XPO4: variants seen among roughly 807,000 people sequenced by gnomAD.
The protein encoded by XPO4 is exportin 4, also known as exportin-4.
In XPO4, 39 loss-of-function variants were observed where a neutral mutation model predicts 143.0. That is an observed-to-expected ratio of 0.27 (90% CI 0.21 to 0.36). XPO4 has a LOEUF of 0.36. Ranked by LOEUF, XPO4 falls within the 10% of genes least tolerant of loss-of-function variation. XPO4 has a pLI of 1.00. For missense variants in XPO4, 907 were observed against 1,348.0 expected, an observed-to-expected ratio of 0.67 and a Z score of 5.12; for synonymous variants, 439 against 474.0, an observed-to-expected ratio of 0.93 and a Z score of 0.96.
chr13:20,789,198 A>G (rs2059244181), intron 19 of XPO4, among the ~76,000 whole-genome samples: 1 of 152,202 alleles, frequency 6.6e-6, no homozygotes, highest in African/African-American at 2.4e-5. Context: ...ATGCAAATCA[A>G]TATGGAGAGT....
intron 4 of XPO4, among the ~76,000 whole-genome samples, chr13:20,846,691 G>A (rs185515722): frequency 1.2e-3 from 182 of 152,126 alleles, no homozygotes; most frequent in African/African-American, 3.9e-3. Context: ...AAAGCACAAC[G>A]AAAATAAAAT....
At chr13:20,849,270 T>C (rs2138080519) in intron 4 of XPO4, 1 of 985,394 alleles carries the variant, frequency 1.0e-6, no homozygotes, top group Non-Finnish European at 1.2e-6. Context: ...AGACTTATGA[T>C]AAGAGAGATT....
intron 1 of XPO4, chr13:20,902,356 C>G (rs1472954697): frequency 2.0e-6 from 2 of 985,328 alleles, no homozygotes; most frequent in East Asian, 2.3e-4. Context: ...TCCTTCCCGG[C>G]GCCTTGCTCT....
In XPO4 at chr13:20,843,573, TAAAC is replaced by T. The variant is rs371379271; in HGVS notation, c.573+193_573+196del. On this transcript the variant is annotated intron_variant, in intron 5 of 22. Transcript: ENST00000255305. ...GAAGTATTGTTTTTAAGACTAGAAT[TAAAC>T]AAGTAATTTTAAACCATCAACTACA... Among the ~76,000 whole-genome samples the T allele has an allele frequency of 1.6e-3, 239 of 152,336 alleles. 1 individual carries two copies. The highest frequency in any genetic ancestry group is 5.6e-3 in the African/African-American group (231 of 41,576).
intron 4 of XPO4, among the ~76,000 whole-genome samples, chr13:20,846,167 G>A (rs371666084): frequency 2.0e-5 from 3 of 152,180 alleles, no homozygotes; most frequent in East Asian, 3.8e-4. Context: ...TCCACAGATT[G>A]TGTCTTACTG....
At chr13:20,895,127 G>A (rs1226504518) in intron 1 of XPO4, among the ~76,000 whole-genome samples, 3 of 151,986 alleles carry the variant, frequency 2.0e-5, no homozygotes, top group Non-Finnish European at 4.4e-5. Flanking sequence ...GCAGGGAGCC[G>A]AGATTGCGCC....
intron 1 of XPO4, among the ~76,000 whole-genome samples, chr13:20,892,929 A>T (rs1198712187): frequency 6.6e-6 from 1 of 152,084 alleles, no homozygotes; most frequent in Non-Finnish European, 1.5e-5. Flanking sequence ...TTATAAAAGG[A>T]CAGGTGAATC....
At chr13:20,808,328 T>G in intron 12 of XPO4, 108 bp downstream of exon 12, 1 of 1,216,070 alleles carries the variant, frequency 8.2e-7, no homozygotes, top group East Asian at 2.6e-5. Flanking sequence ...TGTATCCAAA[T>G]TTTATCCAAT....
At chr13:20,902,390 T>A (rs2060629705) in intron 1 of XPO4, 1 of 985,260 alleles carries the variant, frequency 1.0e-6, no homozygotes, top group Non-Finnish European at 1.2e-6. Flanking sequence ...TGGGGCAGGG[T>A]GTAAGGTGAA....
Position 20,822,121 on chromosome 13 carries a change from AGTATACC to A in XPO4, c.998+4_998+10del. On this transcript the variant is annotated splice_donor_5th_base_variant and intron_variant, in intron 8 of 22. Coordinates refer to ENST00000255305, the MANE Select transcript of XPO4 (RefSeq NM_022459.5). Reference sequence around the variant, plus strand: ...GCTCCTTTTTCAGCTGCAAAGGGCAAGTATACCTACCCATTGATAGTATTCAGTAATC... The same window carrying A: ...GCTCCTTTTTCAGCTGCAAAGGGCAATACCCATTGATAGTATTCAGTAATC... 6.2e-7 allele frequency: 1 copy of A among 1,600,084 alleles called. No homozygotes were observed. Among genetic ancestry groups the A allele is most frequent in the Admixed American group, 1.7e-5 (1 of 57,484 alleles).
rs1364991403 is a variant in XPO4 at position 20,855,780 on chromosome 13, A to C, written c.318-15T>G. ...ACTTTTGAAGGCTGTAAAACATAAA[A>C]ATCATTGTGAAAAATTTACCTAAAT... On this transcript the variant is annotated splice_polypyrimidine_tract_variant and intron_variant, in intron 3 of 22. Coordinates refer to ENST00000255305, the MANE Select transcript of XPO4 (RefSeq NM_022459.5). 1 of 1,561,132 alleles carries C rather than the reference A, an allele frequency of 6.4e-7. No individual in the cohort carries two copies. Among genetic ancestry groups the C allele is most frequent in the Non-Finnish European group, 8.6e-7 (1 of 1,160,094 alleles).
intron 21 of XPO4, 67 bp downstream of exon 21, chr13:20,787,414 G>A: frequency 3.5e-6 from 5 of 1,424,034 alleles, no homozygotes; most frequent in Non-Finnish European, 4.0e-6. Context: ...TTTGAATGCA[G>A]AATTATGTGC....
At chr13:20,894,401 G>A (rs187307072) in intron 1 of XPO4, among the ~76,000 whole-genome samples, 218 of 152,200 alleles carry the variant, frequency 1.4e-3, no homozygotes, top group African/African-American at 5.1e-3. Context: ...ACAAATCTGT[G>A]GAAATGGAAT....
chr13:20,818,475 A>T (rs74036449), intron 9 of XPO4, among the ~76,000 whole-genome samples: 3,134 of 152,328 alleles, frequency 0.021, 84 homozygotes, highest in Middle Eastern at 0.075. Flanking sequence ...AATTGCTATT[A>T]AAAAAGATGA....
chr13:20,809,715 T>C (rs1251108325), intron 10 of XPO4, 76 bp downstream of exon 10: 1 of 1,437,588 alleles, frequency 7.0e-7, no homozygotes, highest in African/African-American at 1.4e-5. Flanking sequence ...ATTTCTGGCA[T>C]TATATAATGT....
chr13:20,889,058 C>A (rs189182740), intron 1 of XPO4, among the ~76,000 whole-genome samples: 40 of 152,124 alleles, frequency 2.6e-4, no homozygotes, highest in African/African-American at 9.4e-4. Flanking sequence ...AGTGATCCAC[C>A]CACCTTGGCC....
At chr13:20,890,686 C>A (rs2060503553) in intron 1 of XPO4, among the ~76,000 whole-genome samples, 1 of 151,122 alleles carries the variant, frequency 6.6e-6, no homozygotes, top group African/African-American at 2.4e-5. Flanking sequence ...GTACCCCCAG[C>A]TACTCAGAGG....
chr13:20,834,153 T>G (rs1254591120), intron 6 of XPO4, among the ~76,000 whole-genome samples: 5 of 152,166 alleles, frequency 3.3e-5, no homozygotes, highest in Non-Finnish European at 7.3e-5. Flanking sequence ...AGGTGGATAC[T>G]TTCATAAATC....
At chr13:20,855,567 C>T (rs2060135992) in intron 4 of XPO4, 60 bp downstream of exon 4, 3 of 1,381,178 alleles carry the variant, frequency 2.2e-6, no homozygotes, top group Non-Finnish European at 1.9e-6. Flanking sequence ...TGCTATAATG[C>T]TATTTGTGTA....
Sources: gnomAD v4.1 joint callset for allele counts (sites outside exome capture counted in the v4.1 genomes callset) on GRCh38, gnomAD v4.1.1 for gene constraint, MANE v1.5 for transcripts, NCBI Gene and HGNC (gene_info 2026-07-23, HGNC 2026-07-21) for gene names.